The following NBPF11 variants were observed in gnomAD, a reference collection of about 807,000 sequenced individuals.
The protein encoded by NBPF11 is NBPF member 11, also known as NBPF family member NBPF11.
Under a neutral mutation model 93.9 loss-of-function variants are expected in NBPF11, and 72 were observed. That is an observed-to-expected ratio of 0.77 (90% CI 0.63 to 0.93). The LOEUF (loss-of-function observed/expected upper bound fraction) is 0.93. Among genes scored for constraint, NBPF11 ranks in the 40% least tolerant of loss-of-function variants. NBPF11 has a pLI of 0.00. For missense variants in NBPF11, 705 were observed against 802.2 expected (o/e 0.88, Z 1.46); for synonymous variants, 224 against 304.9 (o/e 0.73, Z 2.76).
chr1:148,133,001 C>T (rs1196789475), intron 4 of NBPF11, among the ~76,000 whole-genome samples: 13 of 148,436 alleles, frequency 8.8e-5, no homozygotes, highest in South Asian at 4.5e-4. Context: ...CTGCCCACCT[C>T]GGCTTCCCAA....
Position 148,120,537 on chromosome 1 carries a change from C to T in NBPF11, c.952G>A (p.Val318Met). 1.0e-6 allele frequency: 1 copy of T among 989,492 alleles called. No individual in the cohort carries two copies. Among genetic ancestry groups the T allele is most frequent in the Non-Finnish European group, 1.6e-6 (1 of 610,776 alleles). The allele number at this position is 989,492 out of a possible 1,614,324, so 61.3% of individuals were successfully genotyped here. ...TGCTGCTTGGCCAGGAAGCAGGCCA[C>T]TTGAGTTACAAAACATTTCTCTTTG... ...SLKEKCFVTQ[V>M]ACFLAKQQNK... is the part of the protein sequence containing the mutation. Residue 318 changes from valine (V) to methionine (M), a missense_variant, in exon 10 of 24, where the codon GTG becomes ATG. Physicochemically the swap from Val to Met is conservative, Grantham distance 21. This residue lies in a region of NBPF11 where 262 missense variants were observed against 223.1 expected (regional missense o/e 1.17). Transcript: ENST00000682118.
rs1302793020 is a variant in NBPF11, at chr1:148,132,144, G to GTATA, written c.-36+3524_-36+3527dup. ...CTGCAATATATATATGTGTGTGTGT[G>GTATA]TATATATATATATATATATTCCCTA... On this transcript the variant is annotated intron_variant, in intron 4 of 23. Transcript: ENST00000682118. Among the ~76,000 whole-genome samples, 124 of 137,608 alleles carry GTATA rather than the reference G, an allele frequency of 9.0e-4. 1 individual carries two copies. Among genetic ancestry groups the GTATA allele is most frequent in the African/African-American group, 2.9e-3 (105 of 36,784 alleles). 90.3% of individuals were successfully genotyped at this position (137,608 alleles called of 152,430 possible).
At chr1:148,108,711 C>T (rs1234275350) in intron 17 of NBPF11, 57 bp from the exon 18 acceptor site, 34 of 775,182 alleles carry the variant, frequency 4.4e-5, no homozygotes, top group Admixed American at 9.3e-5. Context: ...ACCACACAGC[C>T]CCAGCTAGAT....
At chr1:148,123,072 G>A (rs1668257321) in intron 7 of NBPF11, among the ~76,000 whole-genome samples, 1 of 152,014 alleles carries the variant, frequency 6.6e-6, no homozygotes, top group Non-Finnish European at 1.5e-5. Context: ...GCCTCTCTCT[G>A]GACTTTGGCA....
intron 1 of NBPF11, among the ~76,000 whole-genome samples, chr1:148,143,979 G>A (rs1180261949): frequency 3.3e-5 from 5 of 150,654 alleles, no homozygotes; most frequent in Non-Finnish European, 7.4e-5. Context: ...AGGATTCCTT[G>A]AGCCTTGAGT....
In NBPF11 at chr1:148,135,828, C is replaced by A. The variant is rs1263335225; in HGVS notation, c.-177-15G>T. On this transcript the variant is annotated splice_polypyrimidine_tract_variant and intron_variant, in intron 3 of 23. Transcript: ENST00000682118. ...ATCTTCAAGGGCTACCAAGAAGAAA[C>A]AAATAATTTATTTACCTCCCCAGAG... is the stretch of plus-strand genomic sequence containing the variant. The A allele has an allele frequency of 7.4e-6, 5 of 675,980 alleles. No individual in the cohort carries two copies. Among genetic ancestry groups the A allele is most frequent in the Non-Finnish European group, 1.3e-5 (5 of 381,056 alleles). The allele number at this position is 675,980 out of a possible 1,614,324, so 41.9% of individuals were successfully genotyped here.
chr1:148,138,352 C>T (rs1224527603), intron 2 of NBPF11, among the ~76,000 whole-genome samples: 6 of 151,314 alleles, frequency 4.0e-5, no homozygotes, highest in Non-Finnish European at 7.4e-5. Flanking sequence ...GCCTTCCTTC[C>T]TCTTTTACTA....
At chr1:148,142,008 G>A (rs1210642937) in intron 2 of NBPF11, among the ~76,000 whole-genome samples, 1,640 of 145,092 alleles carry the variant, frequency 0.011, 50 homozygotes, top group African/African-American at 0.04. Flanking sequence ...GAGGGAAGGA[G>A]GGAGGGAGGA....
chr1:148,122,104 G>A lies in NBPF11; in HGVS notation c.729C>T (p.Asp243=). 6.2e-7 allele frequency: 1 copy of A among 1,613,318 alleles called. No individual in the cohort carries two copies. Among genetic ancestry groups the A allele is most frequent in the Admixed American group, 1.7e-5 (1 of 60,014 alleles). Residue 243 remains aspartate, a synonymous_variant, in exon 9 of 24, where the codon GAC becomes GAT. Transcript: ENST00000682118. The part of the protein sequence containing the change: ...EDKVNSSLVV[D]RESSHDGCQD... ...GACATCCATCATGAGAGGATTCTCT[G>A]TCTACAACCAGAGATGAGTTGACTT...
rs1367810519 is a variant in NBPF11 at position 148,148,105 on chromosome 1, C to T, written c.-549+3645G>A. Among the ~76,000 whole-genome samples the T allele has an allele frequency of 2.6e-5, 4 of 152,280 alleles. 1 individual carries two copies. Among genetic ancestry groups the T allele is most frequent in the African/African-American group, 4.8e-5 (2 of 41,504 alleles). On this transcript the variant is annotated intron_variant, in intron 1 of 23. Coordinates refer to ENST00000682118, the MANE Select transcript of NBPF11 (RefSeq NM_001385469.3). Reference sequence around the variant, plus strand: ...TCAGCACACTACTGACCATGGCTGCCAGGGAGCAGGCCGGGGAGGCCGAGG... The same window carrying T: ...TCAGCACACTACTGACCATGGCTGCTAGGGAGCAGGCCGGGGAGGCCGAGG...
At position 148,105,352 on chromosome 1, in the gene NBPF11, G is replaced by A. The variant is rs1571403864; in HGVS notation, c.2472+8C>T. The stretch of plus-strand genomic sequence containing the variant: ...GGATCCTTATCACCTTCATAGAAAG[G>A]TACTCACCTCCCACGTCAAGAGAAA... On this transcript the variant is annotated splice_region_variant and intron_variant, in intron 22 of 23. Coordinates refer to ENST00000682118, the MANE Select transcript of NBPF11 (RefSeq NM_001385469.3). The A allele has an allele frequency of 1.6e-5, 12 of 769,196 alleles. No homozygotes were observed. In the East Asian group the frequency reaches 2.7e-4, roughly 17 times the overall value. 47.6% of individuals were successfully genotyped at this position (769,196 alleles called of 1,614,324 possible).
At chr1:148,141,588 GGA>G (rs1481027499) in intron 2 of NBPF11, among the ~76,000 whole-genome samples, 1 of 152,066 alleles carries the variant, frequency 6.6e-6, no homozygotes, top group Admixed American at 6.5e-5. Flanking sequence ...CAGAGCAGTT[GGA>G]GATTTCAATG....
rs1275558038 is a variant in NBPF11, at chr1:148,108,744, G to C, written c.1854-90C>G. 5.1e-3 allele frequency: 3,989 copies of C among 787,894 alleles called. 98 individuals are homozygous for C. In the African/African-American group the frequency reaches 0.06, roughly 12 times the overall value. The allele number at this position is 787,894 out of a possible 1,614,324, so 48.8% of individuals were successfully genotyped here. On this transcript the variant is annotated intron_variant, in intron 17 of 23. Coordinates refer to ENST00000682118, the MANE Select transcript of NBPF11 (RefSeq NM_001385469.3). The stretch of plus-strand genomic sequence containing the variant: ...GATTTCATGGCTAACATGAGGAAGA[G>C]TTTGAAAAGAAAAAGGACAGATCCA...
chr1:148,121,450 C>T (rs1427469485), intron 9 of NBPF11, among the ~76,000 whole-genome samples: 1 of 149,552 alleles, frequency 6.7e-6, no homozygotes, highest in Non-Finnish European at 1.5e-5. Flanking sequence ...TGGGTTCATG[C>T]CATTCTCCTG....
chr1:148,115,122 G>A lies in NBPF11; in HGVS notation c.1586-634C>T, dbSNP rs1365255164. Among the ~76,000 whole-genome samples the A allele has an allele frequency of 1.1e-3, 119 of 107,706 alleles. 4 individuals are homozygous for A. In the South Asian group the frequency reaches 0.041, roughly 38 times the overall value. The allele number at this position is 107,706 out of a possible 152,430, so 70.7% of individuals were successfully genotyped here. On this transcript the variant is annotated intron_variant, in intron 14 of 23. Transcript: ENST00000682118. The stretch of plus-strand genomic sequence containing the variant: ...AGAGGTTGCACCAAGTCAAGATGGT[G>A]CCACTGCACTCCAGCCTAGGTGACA...
intron 2 of NBPF11, among the ~76,000 whole-genome samples, chr1:148,140,654 G>C (rs1311255387): frequency 2.0e-5 from 3 of 150,374 alleles, no homozygotes; most frequent in Non-Finnish European, 4.4e-5. Context: ...ATATGAGAAA[G>C]ATGCTCAAAA....
chr1:148,146,444 C>T (rs1673095699), intron 1 of NBPF11: 5 of 1,604,330 alleles, frequency 3.1e-6, no homozygotes, highest in Non-Finnish European at 4.2e-6. Context: ...TGCTGCCCTC[C>T]CTGCCCCGGC....
At chr1:148,142,006 G>GAGGGAGGGAGGAAGGAAGGA (rs1268753950) in intron 2 of NBPF11, among the ~76,000 whole-genome samples, 2 of 123,648 alleles carry the variant, frequency 1.6e-5, no homozygotes, top group Admixed American at 8.5e-5. Context: ...GGGAGGGAAG[G>GAGGGAGGGAGGAAGGAAGGA]AGGGAGGGAG....
At chr1:148,132,309 GTATC>G (rs1670532786) in intron 4 of NBPF11, among the ~76,000 whole-genome samples, 1 of 146,364 alleles carries the variant, frequency 6.8e-6, no homozygotes, top group Admixed American at 6.8e-5. Context: ...ATACATGTGA[GTATC>G]TATTTCTGGA....
Sources: gnomAD v4.1 joint callset for allele counts (sites outside exome capture counted in the v4.1 genomes callset) on GRCh38, gnomAD v4.1.1 for gene constraint, gnomAD v4.1.1 regional missense constraint, MANE v1.5 for transcripts, NCBI Gene and HGNC (gene_info 2026-07-23, HGNC 2026-07-21) for gene names.